HAAO: variants seen among roughly 807,000 people sequenced by gnomAD.
HAAO encodes the protein 3-hydroxyanthranilate 3,4-dioxygenase.
In HAAO, 49 loss-of-function variants were observed where a neutral mutation model predicts 46.2. The observed-to-expected ratio is 1.06, with a 90% confidence interval of 0.84 to 1.34. The LOEUF is 1.34. Ranked by LOEUF, HAAO falls within the 40% of genes most tolerant of loss-of-function variation. The probability of loss-of-function intolerance (pLI) is 0.00; values close to 1 mark genes in which losing one functional copy is unlikely to be tolerated. For synonymous variants in HAAO, 157 were observed against 145.2 expected (o/e 1.08, Z -0.58); for missense variants, 408 against 364.5 (o/e 1.12, Z -0.97).
Position 42,788,483 on chromosome 2 carries a change from G to A in HAAO, c.159+46C>T, listed in dbSNP as rs201633970. 83 of 1,243,156 alleles carry A rather than the reference G, an allele frequency of 6.7e-5. No homozygotes were observed. In the East Asian group the frequency reaches 1.8e-3, roughly 28 times the overall value. The allele number at this position is 1,243,156 out of a possible 1,614,324, so 77.0% of individuals were successfully genotyped here. On this transcript the variant is annotated intron_variant, in intron 2 of 9. Coordinates refer to ENST00000294973, the MANE Select transcript of HAAO (RefSeq NM_012205.3). ...AAGCGCCCCCTCCCGCTAGGGCCAGGCTCCTTGCCCGCAGGCCTAGATCCA... is the reference window on the plus strand; with the variant it reads ...AAGCGCCCCCTCCCGCTAGGGCCAGACTCCTTGCCCGCAGGCCTAGATCCA...
intron 4 of HAAO, 31 bp from the exon 5 acceptor site, chr2:42,770,613 G>C: frequency 6.9e-7 from 1 of 1,459,084 alleles, no homozygotes; most frequent in South Asian, 1.3e-5. Flanking sequence ...CAACCCTGCT[G>C]TCCCCATCTG....
chr2:42,769,861 G>T lies in HAAO; in HGVS notation c.485-3C>A. 6.2e-7 allele frequency: 1 copy of T among 1,605,496 alleles called. No individual in the cohort carries two copies. Among genetic ancestry groups the T allele is most frequent in the Non-Finnish European group, 8.5e-7 (1 of 1,175,912 alleles). ...TGGTGGCTCCTTGAGCAGCTGGTCT[G>T]CACCCACAGCATGACTATAGTCGGT... On this transcript the variant is annotated splice_polypyrimidine_tract_variant and splice_region_variant and intron_variant, in intron 6 of 9. Transcript: ENST00000294973.
Position 42,792,482 on chromosome 2 carries a change from GGAAGGAGCCC to G in HAAO, c.45_54del (p.Gly16SerfsTer95), listed in dbSNP as rs1425132772. The G allele has an allele frequency of 6.3e-7, 1 of 1,591,048 alleles. No homozygotes were observed. Among genetic ancestry groups the G allele is most frequent in the South Asian group, 1.1e-5 (1 of 88,832 alleles). ...ATGAGCTTGTTGCAGACCGGGGGCT[GGAAGGAGCCC>G]CGGTTCTCCTTCACCCAGGCCCTCA... On this transcript the variant is annotated frameshift_variant, in exon 1 of 10. Transcript: ENST00000294973. LOFTEE classifies it high-confidence loss of function.
rs751178449 is a variant in HAAO, at chr2:42,776,540, C to T, written c.351-5958G>A. 8.8e-4 allele frequency among the ~76,000 whole-genome samples: 133 copies of T among 150,816 alleles called. 1 individual carries two copies. Among genetic ancestry groups the T allele is most frequent in the Middle Eastern group, 3.5e-3 (1 of 284 alleles). On this transcript the variant is annotated intron_variant, in intron 4 of 9. Coordinates refer to ENST00000294973, the MANE Select transcript of HAAO (RefSeq NM_012205.3). The stretch of plus-strand genomic sequence containing the variant: ...GGCATGAGCCACCATGCCCAGCCAG[C>T]ATCCATCTTTAATCTCCCTCTAGCA...
At chr2:42,767,969 C>G (rs1166870240) in intron 7 of HAAO, 41 bp from the exon 8 acceptor site, 1 of 1,571,036 alleles carries the variant, frequency 6.4e-7, no homozygotes, top group East Asian at 2.2e-5. Context: ...GCTTCTTGCC[C>G]CACATGGGAG....
rs373060817 is a variant in HAAO at position 42,789,533 on chromosome 2, C to T, written c.81-926G>A. ...GCAGTGAGCTGAGATTGCGCTACTG[C>T]ACTCCAGCCTGGGTAACAGGGGGAG... On this transcript the variant is annotated intron_variant, in intron 1 of 9. Coordinates refer to ENST00000294973, the MANE Select transcript of HAAO (RefSeq NM_012205.3). Among the ~76,000 whole-genome samples, 5 of 151,974 alleles carry T rather than the reference C, an allele frequency of 3.3e-5. No individual in the cohort carries two copies. In the East Asian group the frequency reaches 9.7e-4, roughly 29 times the overall value.
intron 2 of HAAO, among the ~76,000 whole-genome samples, chr2:42,784,966 A>C (rs1371016022): frequency 6.6e-6 from 1 of 152,180 alleles, no homozygotes; most frequent in African/African-American, 2.4e-5. Context: ...CAGTAATTCT[A>C]CCTCAGGAAT....
In HAAO at chr2:42,767,413, C is replaced by A; in HGVS notation, c.*24G>T. ...TCGAGGGTGCTTGGCACACCTGTGG[C>A]TGCTTCAGGCCATGGCAAGAGGGTC... On this transcript the variant is annotated 3_prime_UTR_variant, in exon 10 of 10. Transcript: ENST00000294973. 4 of 1,577,636 alleles carry A rather than the reference C, an allele frequency of 2.5e-6. No individual in the cohort carries two copies. Among genetic ancestry groups the A allele is most frequent in the Non-Finnish European group, 3.5e-6 (4 of 1,149,818 alleles).
In HAAO at chr2:42,791,349, C is replaced by T. The variant is rs533769266; in HGVS notation, c.80+1108G>A. Among the ~76,000 whole-genome samples the T allele has an allele frequency of 1.1e-4, 17 of 151,928 alleles. No individual in the cohort carries two copies. In the South Asian group the frequency reaches 2.9e-3, roughly 26 times the overall value. ...GATGGACGCGAGACCTCAGGGGGAG[C>T]GAAGGGAGGACTGAGAAGGAGCGAC... On this transcript the variant is annotated intron_variant, in intron 1 of 9. Transcript: ENST00000294973.
At chr2:42,788,720 C>G (rs1216536566) in intron 1 of HAAO, 113 bp from the exon 2 acceptor site, 1 of 740,952 alleles carries the variant, frequency 1.3e-6, no homozygotes, top group Non-Finnish European at 2.5e-6. Flanking sequence ...AGGAGCAGGG[C>G]TGTTTTGGCC....
intron 5 of HAAO, 59 bp from the exon 6 acceptor site, chr2:42,770,245 G>A (rs951718133): frequency 1.4e-5 from 19 of 1,406,644 alleles, no homozygotes; most frequent in African/African-American, 5.7e-5. Flanking sequence ...AGTGGCCAGC[G>A]ACACACACAT....
rs57398023 is a variant in HAAO, at chr2:42,776,231, CTT to C, written c.351-5651_351-5650del. Among the ~76,000 whole-genome samples the C allele has an allele frequency of 3.1e-4, 22 of 71,222 alleles. No individual in the cohort carries two copies. In the South Asian group the frequency reaches 3.1e-3, roughly 10 times the overall value. The allele number at this position is 71,222 out of a possible 152,430, so 46.7% of individuals were successfully genotyped here. On this transcript the variant is annotated intron_variant, in intron 4 of 9. Coordinates refer to ENST00000294973, the MANE Select transcript of HAAO (RefSeq NM_012205.3). ...ATTTTATGTTTGACTTGGCATCCAT[CTT>C]TTTTTTTTTTTTTTTTTTTTTTTGA...
chr2:42,785,671 G>A (rs1218030166), intron 2 of HAAO, among the ~76,000 whole-genome samples: 1 of 152,018 alleles, frequency 6.6e-6, no homozygotes, highest in Non-Finnish European at 1.5e-5. Flanking sequence ...GACCATTCTG[G>A]GCAACATGGT....
chr2:42,770,330 C>A, intron 5 of HAAO, 144 bp from the exon 6 acceptor site: 1 of 874,196 alleles, frequency 1.1e-6, no homozygotes. Flanking sequence ...GTCTGCCATC[C>A]TTTCCCTCCC....
chr2:42,775,246 G>GAAAAA (rs34025268), intron 4 of HAAO, among the ~76,000 whole-genome samples: 3 of 69,170 alleles, frequency 4.3e-5, no homozygotes, highest in African/African-American at 1.2e-4. Flanking sequence ...GACTGTCATG[G>GAAAAA]AAAAAAAAAA....
Position 42,767,203 on chromosome 2 carries a change from A to G in HAAO, c.*234T>C. ...GGCCGGGGGTAGACCACCTGGCAAG[A>G]CTGGCAAGGCAGTGGGCTGAGTCTG... On this transcript the variant is annotated 3_prime_UTR_variant, in exon 10 of 10. Coordinates refer to ENST00000294973, the MANE Select transcript of HAAO (RefSeq NM_012205.3). 2 of 599,760 alleles carry G rather than the reference A, an allele frequency of 3.3e-6. No homozygotes were observed. Among genetic ancestry groups the G allele is most frequent in the South Asian group, 1.9e-5 (1 of 52,064 alleles). The allele number at this position is 599,760 out of a possible 1,614,324, so 37.2% of individuals were successfully genotyped here.
rs369967471 is a variant in HAAO at position 42,772,830 on chromosome 2, G to A, written c.351-2248C>T. 9.9e-5 allele frequency among the ~76,000 whole-genome samples: 15 copies of A among 151,212 alleles called. 1 individual carries two copies. Among genetic ancestry groups the A allele is most frequent in the African/African-American group, 3.4e-4 (14 of 41,186 alleles). On this transcript the variant is annotated intron_variant, in intron 4 of 9. Coordinates refer to ENST00000294973, the MANE Select transcript of HAAO (RefSeq NM_012205.3). ...TAGGCCAAAGTATCCTGTTCCTGGT[G>A]ACCTGATGGGAAACTTGAATTTTTT...
At position 42,767,652 on chromosome 2, in the gene HAAO, C is replaced by T; in HGVS notation, c.725G>A (p.Gly242Glu). ...AGGGGCCAGGCTCAGGCGCCGTCCC[C>T]CCATTGTCACCACCGAGGAGCCCTC... is the stretch of plus-strand genomic sequence containing the variant. Reference protein sequence around the residue: ...QLEGSSVVTMGGRRLSLAPDD... With the variant: ...QLEGSSVVTMEGRRLSLAPDD... The change falls in exon 9 of 10, where the codon GGG (glycine) becomes GAG (glutamate). Residue 242 changes from glycine to glutamate, a missense_variant. Physicochemically the swap from Gly to Glu is moderately conservative, Grantham distance 98. Transcript: ENST00000294973. The T allele has an allele frequency of 6.4e-7, 1 of 1,568,404 alleles. No individual in the cohort carries two copies. Among genetic ancestry groups the T allele is most frequent in the South Asian group, 1.2e-5 (1 of 86,290 alleles).
At chr2:42,772,944 A>C (rs1671252681) in intron 4 of HAAO, among the ~76,000 whole-genome samples, 1 of 151,914 alleles carries the variant, frequency 6.6e-6, no homozygotes, top group Non-Finnish European at 1.5e-5. Context: ...AAAAAAAAAA[A>C]AAAAAAAAAA....
Sources: gnomAD v4.1 joint callset for allele counts (sites outside exome capture counted in the v4.1 genomes callset) on GRCh38, gnomAD v4.1.1 for gene constraint, MANE v1.5 for transcripts, NCBI Gene and HGNC (gene_info 2026-07-23, HGNC 2026-07-21) for gene names.